BAP1: variants seen among roughly 807,000 people sequenced by gnomAD.
BAP1 encodes the protein ubiquitin carboxyl-terminal hydrolase BAP1.
Under a neutral mutation model 77.2 loss-of-function variants are expected in BAP1, and 16 were observed. That is an observed-to-expected ratio of 0.21 (90% CI 0.14 to 0.31). BAP1 has a LOEUF of 0.31. BAP1 is among the 10% of genes least tolerant of loss of function. The pLI is 1.00. For missense variants in BAP1, 699 were observed against 967.3 expected (o/e 0.72, Z 3.68); for synonymous variants, 362 against 385.2 (o/e 0.94, Z 0.71).
rs1553644812 is a variant in BAP1, at chr3:52,403,441, C to A, written c.1704G>T (p.Gly568=). 2 of 1,613,840 alleles carry A rather than the reference C, an allele frequency of 1.2e-6. No individual in the cohort carries two copies. The highest frequency in any genetic ancestry group is 2.2e-5 in the South Asian group (2 of 91,080). ...CTGTCAGCGCCAGGGGACTCAGCAC[C>A]CCATCCTCAGCCAGGTGCAGCAGGC... is the stretch of plus-strand genomic sequence containing the variant. The part of the protein sequence containing the change: ...STGLLHLAED[G]VLSPLALTEG... Residue 568 remains glycine (G), a synonymous_variant, in exon 13 of 17, where the codon GGG becomes GGT. Coordinates refer to ENST00000460680, the MANE Select transcript of BAP1 (RefSeq NM_004656.4). This position sits in a 1 kb window ranked among gnomAD's most constrained non-coding sequence, Gnocchi z 4.0.
In BAP1 at chr3:52,402,086, C is replaced by T. The variant is rs1704972913; in HGVS notation, c.*202G>A. 2 of 901,862 alleles carry T rather than the reference C, an allele frequency of 2.2e-6. No homozygotes were observed. The highest frequency in any genetic ancestry group is 2.7e-5 in the Admixed American group (1 of 36,668). 55.9% of individuals were successfully genotyped at this position (901,862 alleles called of 1,614,324 possible). ...TGTGCCCCAACTCCAGATGCTGCCT[C>T]CTGAGCACTATGGGGCTGATCTGCC... On this transcript the variant is annotated 3_prime_UTR_variant, in exon 17 of 17. Transcript: ENST00000460680. The surrounding 1 kb of genome is among the most constrained non-coding windows in gnomAD (Gnocchi z 5.3).
chr3:52,409,994 C>A lies in BAP1; in HGVS notation c.-116G>T. The A allele has an allele frequency of 6.9e-7, 1 of 1,451,508 alleles. No individual in the cohort carries two copies. Among genetic ancestry groups the A allele is most frequent in the Non-Finnish European group, 9.3e-7 (1 of 1,077,402 alleles). The allele number at this position is 1,451,508 out of a possible 1,614,324, so 89.9% of individuals were successfully genotyped here. ...TCAGTCCCACACACAGACAACGGGCCCAGTCGCGTCACCCGCCCGCGCCGG... is the reference window on the plus strand; with the variant it reads ...TCAGTCCCACACACAGACAACGGGCACAGTCGCGTCACCCGCCCGCGCCGG... On this transcript the variant is annotated 5_prime_UTR_variant, in exon 1 of 17. Coordinates refer to ENST00000460680, the MANE Select transcript of BAP1 (RefSeq NM_004656.4).
rs1028053412 is a variant in BAP1, at chr3:52,404,482, A to G, written c.1221T>C (p.Asp407=). 8.7e-6 allele frequency: 14 copies of G among 1,614,094 alleles called. No individual in the cohort carries two copies. The highest frequency in any genetic ancestry group is 2.2e-5 in the East Asian group (1 of 44,898). Residue 407 remains aspartate (D), a synonymous_variant, in exon 12 of 17, where the codon GAT becomes GAC. Transcript: ENST00000460680. ...DEDDYEDDEE[D]DVQNTNSALR... ...GGGCAGAGTTGGTGTTCTGCACGTC[A>G]TCCTCCTCGTCATCCTCATAGTCAT...
Position 52,403,124 on chromosome 3 carries a change from C to A in BAP1, c.1890+14G>T, listed in dbSNP as rs2153226422. ...CTGCCAGGATTAAAGGAGAAAACCA[C>A]AACGGAGGCTCACCTTGGGTGAGTA... is the stretch of plus-strand genomic sequence containing the variant. On this transcript the variant is annotated intron_variant, in intron 14 of 16. Coordinates refer to ENST00000460680, the MANE Select transcript of BAP1 (RefSeq NM_004656.4). The surrounding 1 kb of genome is among the most constrained non-coding windows in gnomAD (Gnocchi z 4.0). 6.2e-7 allele frequency: 1 copy of A among 1,612,088 alleles called. No individual in the cohort carries two copies. Among genetic ancestry groups the A allele is most frequent in the Non-Finnish European group, 8.5e-7 (1 of 1,179,984 alleles).
At position 52,402,440 on chromosome 3, in the gene BAP1, C is replaced by A; in HGVS notation, c.2057-19G>T. ...AGCATGCCTGCGAAGAGGTAGAGAC[C>A]CTTGAGCAGGTGCTGGCTGCCTCAG... On this transcript the variant is annotated intron_variant, in intron 16 of 16. Coordinates refer to ENST00000460680, the MANE Select transcript of BAP1 (RefSeq NM_004656.4). The surrounding 1 kb of genome is among the most constrained non-coding windows in gnomAD (Gnocchi z 5.3). The A allele has an allele frequency of 6.4e-7, 1 of 1,570,816 alleles. No homozygotes were observed.
rs1306377306 is a variant in BAP1 at position 52,401,990 on chromosome 3, C to G, written c.*298G>C. The G allele has an allele frequency of 3.3e-5, 18 of 546,112 alleles. No individual in the cohort carries two copies. The highest frequency in any genetic ancestry group is 3.3e-6 in the Non-Finnish European group (1 of 304,558). 33.8% of individuals were successfully genotyped at this position (546,112 alleles called of 1,614,324 possible). On this transcript the variant is annotated 3_prime_UTR_variant, in exon 17 of 17. Transcript: ENST00000460680. Reference sequence around the variant, plus strand: ...GTCTCTGATAGGTAAAATATATATTCTGCTGCCCAGGCAGAAGGGCCAGGT... The same window carrying G: ...GTCTCTGATAGGTAAAATATATATTGTGCTGCCCAGGCAGAAGGGCCAGGT...
chr3:52,405,300 A>ACAGGGCAAGAACACAGGCAGGACCTC lies in BAP1; in HGVS notation c.932-32_932-7dup. 1 of 1,613,462 alleles carries ACAGGGCAAGAACACAGGCAGGACCTC rather than the reference A, an allele frequency of 6.2e-7. No homozygotes were observed. Among genetic ancestry groups the ACAGGGCAAGAACACAGGCAGGACCTC allele is most frequent in the Non-Finnish European group, 8.5e-7 (1 of 1,179,998 alleles). ...AGCCGCCTCCTCTGCACCATCTGAG[A>ACAGGGCAAGAACACAGGCAGGACCTC]CAGGGCAAGAACACAGGCAGGACCT... On this transcript the variant is annotated splice_polypyrimidine_tract_variant and splice_region_variant and intron_variant, in intron 10 of 16. Coordinates refer to ENST00000460680, the MANE Select transcript of BAP1 (RefSeq NM_004656.4).
At chr3:52,408,151 G>A in intron 4 of BAP1, 74 bp from the exon 5 acceptor site, 1 of 1,555,208 alleles carries the variant, frequency 6.4e-7, no homozygotes, top group Non-Finnish European at 8.7e-7. Context: ...CATCAAGAAT[G>A]GGGATCCAGA....
rs2153226261 is a variant in BAP1, at chr3:52,402,736, A to T, written c.1983+43T>A. 1 of 1,614,008 alleles carries T rather than the reference A, an allele frequency of 6.2e-7. No homozygotes were observed. The highest frequency in any genetic ancestry group is 8.5e-7 in the Non-Finnish European group (1 of 1,179,866). On this transcript the variant is annotated intron_variant, in intron 15 of 16. Coordinates refer to ENST00000460680, the MANE Select transcript of BAP1 (RefSeq NM_004656.4). The surrounding 1 kb of genome is among the most constrained non-coding windows in gnomAD (Gnocchi z 5.3). ...ATCTTGCCAGAGCAGCCACCAGTGG[A>T]CCTCGGGAGAGGCCAGATCAGGCAA...
intron 4 of BAP1, 136 bp from the exon 5 acceptor site, chr3:52,408,213 C>T (rs1467698609): frequency 1.4e-6 from 2 of 1,440,462 alleles, no homozygotes; most frequent in East Asian, 2.5e-5. Context: ...TTCATCTTTG[C>T]CTAATGTTTA....
Position 52,402,118 on chromosome 3 carries a change from G to C in BAP1, c.*170C>G, listed in dbSNP as rs1228237398. ...ACTATGGGGCTGATCTGCCGTGTCA[G>C]GCCTCAGGGCACGATGGAAGGAATG... On this transcript the variant is annotated 3_prime_UTR_variant, in exon 17 of 17. Coordinates refer to ENST00000460680, the MANE Select transcript of BAP1 (RefSeq NM_004656.4). The surrounding 1 kb of genome is among the most constrained non-coding windows in gnomAD (Gnocchi z 5.3). The C allele has an allele frequency of 8.4e-7, 1 of 1,190,094 alleles. No individual in the cohort carries two copies. The highest frequency in any genetic ancestry group is 1.5e-5 in the African/African-American group (1 of 65,670). 73.7% of individuals were successfully genotyped at this position (1,190,094 alleles called of 1,614,324 possible).
rs2153226757 is a variant in BAP1, at chr3:52,403,839, G to T, written c.1306C>A (p.Gln436Lys). 1.2e-6 allele frequency: 2 copies of T among 1,614,088 alleles called. No individual in the cohort carries two copies. The highest frequency in any genetic ancestry group is 1.7e-6 in the Non-Finnish European group (2 of 1,180,022). The change falls in exon 13 of 17, where the codon CAA (glutamine) becomes AAA (lysine). Residue 436 changes from glutamine to lysine, a missense_variant. By Grantham distance (53) the Gln-to-Lys change is moderately conservative (BLOSUM62 1). Around this residue, in one of 3 missense-constraint regions of BAP1, gnomAD observed 475 missense variants for 532.4 expected, o/e 0.89. Transcript: ENST00000460680. This position sits in a 1 kb window ranked among gnomAD's most constrained non-coding sequence, Gnocchi z 4.0. ...PGALSGSADG[Q>K]LSVLQPNTIN... ...GTGTTGGGCTGCAGCACTGACAGTT[G>T]CCCATCAGCAGAACCGCTCAATGCC...
intron 3 of BAP1, 93 bp from the exon 4 acceptor site, chr3:52,408,699 A>T (rs2153228408): frequency 6.9e-7 from 1 of 1,440,778 alleles, no homozygotes; most frequent in Non-Finnish European, 9.5e-7. Flanking sequence ...GCACTGCGTC[A>T]TCACTCAGGT....
chr3:52,404,675 G>C, intron 11 of BAP1, 89 bp from the exon 12 acceptor site: 5 of 1,538,136 alleles, frequency 3.3e-6, no homozygotes, highest in Non-Finnish European at 4.4e-6. Flanking sequence ...AGCCAACATG[G>C]TTTTCCAGAC....
chr3:52,405,661 GCCCAAGGACAT>G (rs1705132471), intron 10 of BAP1, 93 bp downstream of exon 10: 1 of 1,523,262 alleles, frequency 6.6e-7, no homozygotes, highest in Non-Finnish European at 8.9e-7. Context: ...GAAGAACACT[GCCCAAGGACAT>G]CCCCAGAAAA....
In BAP1 at chr3:52,408,576, T is replaced by C. The variant is rs1578228257; in HGVS notation, c.153A>G (p.Lys51=). 2 of 1,610,524 alleles carry C rather than the reference T, an allele frequency of 1.2e-6. No homozygotes were observed. The highest frequency in any genetic ancestry group is 1.7e-5 in the Admixed American group (1 of 59,456). ...GPVYGFIFLF[K]WIEERRSRRK... ...GCCGGGACCGGCGCTCTTCGATCCATTTGAACAGGAAGATAAATCCATATA... is the reference window on the plus strand; with the variant it reads ...GCCGGGACCGGCGCTCTTCGATCCACTTGAACAGGAAGATAAATCCATATA... Residue 51 remains lysine, a synonymous_variant, in exon 4 of 17, where the codon AAA becomes AAG. Coordinates refer to ENST00000460680, the MANE Select transcript of BAP1 (RefSeq NM_004656.4).
At position 52,409,846 on chromosome 3, in the gene BAP1, G is replaced by A. The variant is rs2153228684; in HGVS notation, c.33C>T (p.Asp11=). MNKGWLELES[D]PGLFTLLVED... ...CCCTCCCGGTCCCCTCCTCACCTGG[G>A]TCGCTCTCCAGCTCCAGCCAGCCCT... Residue 11 remains aspartate, a synonymous_variant, in exon 1 of 17, where the codon GAC becomes GAT. Coordinates refer to ENST00000460680, the MANE Select transcript of BAP1 (RefSeq NM_004656.4). 1.9e-6 allele frequency: 3 copies of A among 1,611,792 alleles called. No individual in the cohort carries two copies. Among genetic ancestry groups the A allele is most frequent in the Non-Finnish European group, 2.5e-6 (3 of 1,179,922 alleles).
In BAP1 at chr3:52,402,172, TGGACTCTCCAGCTG is replaced by T; in HGVS notation, c.*102_*115del. On this transcript the variant is annotated 3_prime_UTR_variant, in exon 17 of 17. Coordinates refer to ENST00000460680, the MANE Select transcript of BAP1 (RefSeq NM_004656.4). This position sits in a 1 kb window ranked among gnomAD's most constrained non-coding sequence, Gnocchi z 5.3. ...CCTGGTTCCTCCCATTCCCAGGGCC[TGGACTCTCCAGCTG>T]GGACTATTCAGTAATACTGGGAAAA... 1.3e-6 allele frequency: 2 copies of T among 1,492,218 alleles called. No homozygotes were observed. Among genetic ancestry groups the T allele is most frequent in the South Asian group, 2.5e-5 (2 of 81,530 alleles). The allele number at this position is 1,492,218 out of a possible 1,614,324, so 92.4% of individuals were successfully genotyped here. A position where few individuals can be genotyped will look rare whatever the true frequency, so the allele number is the denominator to read the frequency against.
In BAP1 at chr3:52,406,815, C is replaced by T. The variant is rs1461632762; in HGVS notation, c.659+14G>A. The stretch of plus-strand genomic sequence containing the variant: ...GCTCCAGAGAGTAGAACAGGGCAGG[C>T]ACAGGGCCCTTACCCTGCAGTGGCG... On this transcript the variant is annotated intron_variant, in intron 8 of 16. Coordinates refer to ENST00000460680, the MANE Select transcript of BAP1 (RefSeq NM_004656.4). The surrounding 1 kb of genome is among the most constrained non-coding windows in gnomAD (Gnocchi z 4.6). 1 of 1,553,536 alleles carries T rather than the reference C, an allele frequency of 6.4e-7. No individual in the cohort carries two copies. The highest frequency in any genetic ancestry group is 8.7e-7 in the Non-Finnish European group (1 of 1,147,780).
Sources: allele counts gnomAD v4.1 joint callset, GRCh38; gene constraint gnomAD v4.1.1; regional missense constraint gnomAD v4.1.1; non-coding constraint Gnocchi (gnomAD v3.1); transcripts MANE v1.5; gene names NCBI Gene and HGNC (gene_info 2026-07-23, HGNC 2026-07-21).